Variants in RIC8A observed in about 807,000 individuals in gnomAD.
The protein encoded by RIC8A is chaperone Ric-8A.
A neutral mutation model predicts 48.4 loss-of-function variants in RIC8A; 37 were observed. That is an observed-to-expected ratio of 0.77 (90% CI 0.59 to 1.01). The LOEUF (loss-of-function observed/expected upper bound fraction) is 1.01. Among genes scored for constraint, RIC8A ranks in the 50% least tolerant of loss-of-function variants. The pLI is 0.00. For missense variants in RIC8A, 681 were observed against 696.8 expected, an observed-to-expected ratio of 0.98 and a Z score of 0.25; for synonymous variants, 288 against 283.4, an observed-to-expected ratio of 1.02 and a Z score of -0.16.
intron 9 of RIC8A, 83 bp downstream of exon 9, chr11:213,501 G>T: frequency 6.5e-7 from 1 of 1,529,274 alleles, no homozygotes; most frequent in Non-Finnish European, 8.8e-7. Flanking sequence ...CCAGGAGGTA[G>T]GATCAGAGGA....
intron 9 of RIC8A, 104 bp from the exon 10 acceptor site, chr11:214,126 A>G (rs1590080630): frequency 1.5e-6 from 2 of 1,336,572 alleles, no homozygotes; most frequent in East Asian, 2.5e-5. Context: ...AGTAAATGGG[A>G]GCAGCCTACT....
In RIC8A at chr11:209,790, G is replaced by A. The variant is rs748647702; in HGVS notation, c.516G>A (p.Thr172=). 1.2e-6 allele frequency: 2 copies of A among 1,613,992 alleles called. No homozygotes were observed. Among genetic ancestry groups the A allele is most frequent in the Non-Finnish European group, 1.7e-6 (2 of 1,180,030 alleles). Reference sequence around the variant, plus strand: ...ACTTGCGGCTCCTCTTCCTGCTAACGGCACTCCGCACCGATGTGCGCCAGC... The same window carrying A: ...ACTTGCGGCTCCTCTTCCTGCTAACAGCACTCCGCACCGATGTGCGCCAGC... ...FFDLRLLFLL[T]ALRTDVRQQL... is the part of the protein sequence containing the mutation. Residue 172 remains threonine (T), a synonymous_variant, in exon 3 of 10, where the codon ACG becomes ACA. Transcript: ENST00000526104.
In RIC8A at chr11:211,649, A is replaced by G; in HGVS notation, c.969+300A>G. ...GTCCCTACTTTTAAGTCTTAAACAC[A>G]GGCAGCCCTTGATTACAAGCATAGT... On this transcript the variant is annotated intron_variant, in intron 5 of 9. Coordinates refer to ENST00000526104, the MANE Select transcript of RIC8A (RefSeq NM_001286134.2). This position sits in a 1 kb window ranked among gnomAD's most constrained non-coding sequence, Gnocchi z 4.0. 1 of 252,916 alleles carries G rather than the reference A, an allele frequency of 4.0e-6. No individual in the cohort carries two copies. Among genetic ancestry groups the G allele is most frequent in the Non-Finnish European group, 7.6e-6 (1 of 131,424 alleles). 15.7% of individuals were successfully genotyped at this position (252,916 alleles called of 1,614,324 possible).
At position 214,264 on chromosome 11, in the gene RIC8A, CG is replaced by C; in HGVS notation, c.1514del (p.Gly505ValfsTer126). 2 of 1,613,850 alleles carry C rather than the reference CG, an allele frequency of 1.2e-6. No individual in the cohort carries two copies. The highest frequency in any genetic ancestry group is 1.7e-5 in the Admixed American group (1 of 59,962). ...CATCCAGCCAATGGGGATGAGTCCC[CG>C]GGGTCATCTTACGTCCCTGCAGGAT... The part of the protein sequence containing the change: ...RVIQPMGMSP[R>X]GHLTSLQDAM... On this transcript the variant is annotated frameshift_variant, in exon 10 of 10. Coordinates refer to ENST00000526104, the MANE Select transcript of RIC8A (RefSeq NM_001286134.2). LOFTEE classifies it high-confidence loss of function.
rs1855344816 is a variant in RIC8A, at chr11:211,071, G to A, written c.819-128G>A. ...AGATCAGTCCCTGCCCTTGGCTTTG[G>A]TCCCTAGCGCTGCCCCTTTGGGACT... is the stretch of plus-strand genomic sequence containing the variant. On this transcript the variant is annotated intron_variant, in intron 4 of 9. Coordinates refer to ENST00000526104, the MANE Select transcript of RIC8A (RefSeq NM_001286134.2). This position sits in a 1 kb window ranked among gnomAD's most constrained non-coding sequence, Gnocchi z 4.0. 10 of 1,016,356 alleles carry A rather than the reference G, an allele frequency of 9.8e-6. No homozygotes were observed. The East Asian group carries it at 2.3e-4, about 24-fold the overall frequency. 63.0% of individuals were successfully genotyped at this position (1,016,356 alleles called of 1,614,324 possible).
intron 1 of RIC8A, 90 bp from the exon 2 acceptor site, chr11:209,181 C>T (rs755362679): frequency 6.8e-7 from 1 of 1,472,062 alleles, no homozygotes; most frequent in African/African-American, 1.4e-5. Context: ...GCAGTGGCTG[C>T]TGCCTGAGTT....
Position 208,810 on chromosome 11 carries a change from C to T in RIC8A, c.-45C>T. 5 of 1,544,090 alleles carry T rather than the reference C, an allele frequency of 3.2e-6. No individual in the cohort carries two copies. Among genetic ancestry groups the T allele is most frequent in the Non-Finnish European group, 4.4e-6 (5 of 1,134,088 alleles). On this transcript the variant is annotated 5_prime_UTR_variant, in exon 1 of 10. Transcript: ENST00000526104. This position sits in a 1 kb window ranked among gnomAD's most constrained non-coding sequence, Gnocchi z 4.8. ...CAGGGCGGGGCCGGCGAACTGCGGC[C>T]CGGAACGGCTGAGGAAGGGCCCGTC... is the stretch of plus-strand genomic sequence containing the variant.
rs1380897364 is a variant in RIC8A, at chr11:210,634, G to C, written c.790G>C (p.Ala264Pro). Residue 264 changes from alanine (A) to proline (P), a missense_variant, in exon 4 of 10, where the codon GCT becomes CCT. By Grantham distance (27) the Ala-to-Pro change is conservative. Coordinates refer to ENST00000526104, the MANE Select transcript of RIC8A (RefSeq NM_001286134.2). ...CCGGCACTGTGTGATGATCGCTACT[G>C]CTGGAGACCGCACAGAGGAGTTCCA... The part of the protein sequence containing the change: ...LLRHCVMIAT[A>P]GDRTEEFHGH... 5 of 1,614,144 alleles carry C rather than the reference G, an allele frequency of 3.1e-6. No homozygotes were observed. The highest frequency in any genetic ancestry group is 4.2e-6 in the Non-Finnish European group (5 of 1,180,036).
In RIC8A at chr11:213,423, G is replaced by A. The variant is rs1486424719; in HGVS notation, c.1475+5G>A. 1 of 1,575,190 alleles carries A rather than the reference G, an allele frequency of 6.3e-7. No homozygotes were observed. The highest frequency in any genetic ancestry group is 8.6e-7 in the Non-Finnish European group (1 of 1,159,792). On this transcript the variant is annotated splice_donor_5th_base_variant and intron_variant, in intron 9 of 9. Transcript: ENST00000526104. ...CATGTTTGACAAGCTCTCCAGGTGT[G>A]TGGCATGAGGAGGAGGGGCCTGCAG...
chr11:210,813 T>C (rs1028623908), intron 4 of RIC8A, 151 bp downstream of exon 4: 7 of 720,734 alleles, frequency 9.7e-6, no homozygotes, highest in Non-Finnish European at 1.7e-5. Flanking sequence ...GACATAGCCA[T>C]GAATTTGGGG....
chr11:208,698 C>T lies in RIC8A; in HGVS notation c.-157C>T, dbSNP rs1205773342. The T allele has an allele frequency of 2.9e-5, 16 of 543,426 alleles. No homozygotes were observed. The highest frequency in any genetic ancestry group is 4.1e-5 in the Non-Finnish European group (13 of 317,460). The allele number at this position is 543,426 out of a possible 1,614,324, so 33.7% of individuals were successfully genotyped here. ...CTCAGGCCGCGCCCCCTTAAAGCGC[C>T]ACCAGACGCTGCGCCCCGTTAAAGC... On this transcript the variant is annotated 5_prime_UTR_variant, in exon 1 of 10. Transcript: ENST00000526104. The surrounding 1 kb of genome is among the most constrained non-coding windows in gnomAD (Gnocchi z 4.8).
chr11:211,415 GGTCA>G lies in RIC8A; in HGVS notation c.969+69_969+72del. ...GGCACTGGTTCTCCTGCACAGATGTGGTCAGTGCTTCCACACTGTCCACACTGGT... is the reference window on the plus strand; with the variant it reads ...GGCACTGGTTCTCCTGCACAGATGTGGTGCTTCCACACTGTCCACACTGGT... On this transcript the variant is annotated intron_variant, in intron 5 of 9. Transcript: ENST00000526104. The surrounding 1 kb of genome is among the most constrained non-coding windows in gnomAD (Gnocchi z 4.0). 1 of 1,525,712 alleles carries G rather than the reference GGTCA, an allele frequency of 6.6e-7. No homozygotes were observed. Among genetic ancestry groups the G allele is most frequent in the Non-Finnish European group, 8.9e-7 (1 of 1,119,312 alleles). 94.5% of individuals were successfully genotyped at this position (1,525,712 alleles called of 1,614,324 possible). A position where few individuals can be genotyped will look rare whatever the true frequency, so the allele number is the denominator to read the frequency against.
chr11:208,925 C>A lies in RIC8A; in HGVS notation c.71C>A (p.Ser24Ter). Residue 24 changes from serine to a stop codon, truncating the protein, a stop_gained, in exon 1 of 10, where the codon TCA (serine) becomes TAA (stop). Transcript: ENST00000526104. LOFTEE classifies it high-confidence loss of function. This position sits in a 1 kb window ranked among gnomAD's most constrained non-coding sequence, Gnocchi z 4.8. Reference sequence around the variant, plus strand: ...GATGTGATTATGGAAGCTCTGCGGTCATACAACCAGGAGGTAAGCGGCCGC... The same window carrying A: ...GATGTGATTATGGAAGCTCTGCGGTAATACAACCAGGAGGTAAGCGGCCGC... ...EEDVIMEALR[S>*]YNQEHSQSFT... The A allele has an allele frequency of 6.3e-7, 1 of 1,575,636 alleles. No individual in the cohort carries two copies. The highest frequency in any genetic ancestry group is 1.1e-5 in the South Asian group (1 of 89,972).
At chr11:213,516 T>C in intron 9 of RIC8A, 98 bp downstream of exon 9, 2 of 1,485,854 alleles carry the variant, frequency 1.3e-6, no homozygotes, top group Non-Finnish European at 1.8e-6. Context: ...AGAGGAGAGC[T>C]TAGGATCCTG....
intron 9 of RIC8A, 66 bp from the exon 10 acceptor site, chr11:214,164 G>T (rs772991244): frequency 6.4e-7 from 1 of 1,562,262 alleles, no homozygotes; most frequent in Non-Finnish European, 8.7e-7. Context: ...GCAGCCACGG[G>T]TGAGTAGGAC....
rs1418820665 is a variant in RIC8A at position 212,476 on chromosome 11, A to C, written c.1030A>C (p.Met344Leu). The C allele has an allele frequency of 6.2e-7, 1 of 1,614,018 alleles. No individual in the cohort carries two copies. Among genetic ancestry groups the C allele is most frequent in the Admixed American group, 1.7e-5 (1 of 60,014 alleles). ...GAGCGTGCTGACTGAATGTGCCCGG[A>C]TGCACCGCCCAGCCAGGAAGTTCCT... The part of the protein sequence containing the change: ...VLSVLTECAR[M>L]HRPARKFLKA... The change falls in exon 6 of 10, where the codon ATG (methionine) becomes CTG (leucine). Residue 344 changes from methionine (M) to leucine (L), a missense_variant. Physicochemically the swap from Met to Leu is conservative, Grantham distance 15. Coordinates refer to ENST00000526104, the MANE Select transcript of RIC8A (RefSeq NM_001286134.2).
chr11:208,916 C>G lies in RIC8A; in HGVS notation c.62C>G (p.Ala21Gly), dbSNP rs375013736. Residue 21 changes from alanine to glycine, a missense_variant, in exon 1 of 10, where the codon GCT becomes GGT. Ala to Gly is a moderately conservative substitution (Grantham distance 60, BLOSUM62 0). Transcript: ENST00000526104. This position sits in a 1 kb window ranked among gnomAD's most constrained non-coding sequence, Gnocchi z 4.8. ...GGTGAGGAGGATGTGATTATGGAAGCTCTGCGGTCATACAACCAGGAGGTA... is the reference window on the plus strand; with the variant it reads ...GGTGAGGAGGATGTGATTATGGAAGGTCTGCGGTCATACAACCAGGAGGTA... ...ETGEEDVIME[A>G]LRSYNQEHSQ... 6 of 1,610,494 alleles carry G rather than the reference C, an allele frequency of 3.7e-6. No homozygotes were observed.
In RIC8A at chr11:212,591, G is replaced by A; in HGVS notation, c.1066-24G>A. The A allele has an allele frequency of 1.9e-6, 3 of 1,613,582 alleles. No individual in the cohort carries two copies. In the South Asian group the frequency reaches 3.3e-5, roughly 18 times the overall value. ...AGACCCTTGGCTGCTCTAAGCCCAA[G>A]CTTAGGGATGGCCACCTCCCCAGGT... On this transcript the variant is annotated intron_variant, in intron 6 of 9. Transcript: ENST00000526104.
chr11:213,254 G>T (rs764743201), intron 8 of RIC8A, 45 bp from the exon 9 acceptor site: 1 of 1,612,078 alleles, frequency 6.2e-7, no homozygotes, highest in South Asian at 1.1e-5. Flanking sequence ...TCCTGTCCTG[G>T]AGAGTCACTA....
Sources: allele counts gnomAD v4.1 joint callset, GRCh38; gene constraint gnomAD v4.1.1; non-coding constraint Gnocchi (gnomAD v3.1); transcripts MANE v1.5; gene names NCBI Gene and HGNC (gene_info 2026-07-23, HGNC 2026-07-21).